The following CCDC192 variants were observed in gnomAD, a reference collection of about 807,000 sequenced individuals.
CCDC192 encodes the protein coiled-coil domain containing 192, also known as coiled-coil domain-containing protein 192.
chr5:127,717,822 A>G (rs894096949), intron 2 of CCDC192, among the ~76,000 whole-genome samples: 1 of 151,240 alleles, frequency 6.6e-6, no homozygotes, highest in African/African-American at 2.4e-5. Flanking sequence ...AAGAAGTCAC[A>G]TAGTCCCAAA....
chr5:127,718,127 G>A (rs1751747310), intron 2 of CCDC192, among the ~76,000 whole-genome samples: 1 of 152,014 alleles, frequency 6.6e-6, no homozygotes, highest in Non-Finnish European at 1.5e-5. Flanking sequence ...TTTAGAAAAT[G>A]ATCCTTCACA....
At chr5:127,756,273 C>T (rs1166826891) in intron 3 of CCDC192, among the ~76,000 whole-genome samples, 1 of 152,266 alleles carries the variant, frequency 6.6e-6, no homozygotes, top group African/African-American at 2.4e-5. Flanking sequence ...GGAATTACAA[C>T]GGAGAAAGAG....
chr5:127,916,593 G>A (rs1753526581), intron 6 of CCDC192, among the ~76,000 whole-genome samples: 1 of 152,230 alleles, frequency 6.6e-6, no homozygotes, highest in Non-Finnish European at 1.5e-5. Flanking sequence ...TACATTAGCA[G>A]ACATGAAAAC....
At chr5:127,889,786 TC>T (rs1394875129) in intron 6 of CCDC192, among the ~76,000 whole-genome samples, 3 of 152,166 alleles carry the variant, frequency 2.0e-5, no homozygotes, top group Non-Finnish European at 4.4e-5. Context: ...GGCATGCCTA[TC>T]CCTTCAGCCA....
intron 6 of CCDC192, among the ~76,000 whole-genome samples, chr5:127,933,413 G>A (rs1754102644): frequency 6.6e-6 from 1 of 152,172 alleles, no homozygotes; most frequent in African/African-American, 2.4e-5. Context: ...AATAAATGAT[G>A]AGCATGGGCA....
In CCDC192 at chr5:127,807,947, A is replaced by T. The variant is rs1036076459; in HGVS notation, c.411+9785A>T. Among the ~76,000 whole-genome samples, 6 of 152,142 alleles carry T rather than the reference A, an allele frequency of 3.9e-5. No homozygotes were observed. In the South Asian group the frequency reaches 6.2e-4, roughly 16 times the overall value. The stretch of plus-strand genomic sequence containing the variant: ...ATGGCAGGCAGGAGGGGGTAGTCTG[A>T]TGTTCATGACGTACTGTGGGAGGAT... On this transcript the variant is annotated intron_variant, in intron 5 of 6. Coordinates refer to ENST00000514853, the MANE Select transcript of CCDC192 (RefSeq NM_001317938.2).
rs560848204 is a variant in CCDC192 at position 127,752,975 on chromosome 5, C to T, written c.115-1293C>T. On this transcript the variant is annotated intron_variant, in intron 2 of 6. Transcript: ENST00000514853. ...CAATGCCTCGCCCTGCTTTGGGTCG[C>T]GTCGGTGTGCGCACCCACTGACCTG... Among the ~76,000 whole-genome samples, 9 of 152,210 alleles carry T rather than the reference C, an allele frequency of 5.9e-5. No homozygotes were observed. The South Asian group carries it at 1.5e-3, about 25-fold the overall frequency.
At chr5:127,898,379 G>T (rs142334483) in intron 6 of CCDC192, among the ~76,000 whole-genome samples, 108 of 152,290 alleles carry the variant, frequency 7.1e-4, no homozygotes, top group African/African-American at 2.6e-3. Flanking sequence ...AAAGTGCTGG[G>T]ATTACAAGCG....
chr5:127,782,714 A>G (rs900464574), intron 3 of CCDC192, among the ~76,000 whole-genome samples: 2 of 152,024 alleles, frequency 1.3e-5, no homozygotes, highest in African/African-American at 4.8e-5. Context: ...TTCTTGGTTA[A>G]TCTTGCTAAC....
chr5:127,799,939 T>C (rs1277273033), intron 5 of CCDC192, among the ~76,000 whole-genome samples: 1 of 152,138 alleles, frequency 6.6e-6, no homozygotes, highest in South Asian at 2.1e-4. Flanking sequence ...TGAAAGTGGA[T>C]TATGTATTTT....
intron 2 of CCDC192, among the ~76,000 whole-genome samples, chr5:127,738,453 A>G (rs1292259987): frequency 2.1e-5 from 3 of 143,442 alleles, no homozygotes; most frequent in African/African-American, 5.3e-5. Context: ...CGTTCTCTGT[A>G]TTTCCTGAAT....
At chr5:127,775,256 G>C (rs903879065) in intron 3 of CCDC192, among the ~76,000 whole-genome samples, 1 of 152,118 alleles carries the variant, frequency 6.6e-6, no homozygotes. Flanking sequence ...CCTCTATTGG[G>C]TTCTCAAGCT....
In CCDC192 at chr5:127,875,962, G is replaced by A. The variant is rs76405520; in HGVS notation, c.535+301G>A. On this transcript the variant is annotated intron_variant, in intron 6 of 6. Transcript: ENST00000514853. ...GGTGGTAGCAGGGGGAGGGCAGGGC[G>A]TAAGAAGGAAGGCAGGTGCCTGCAG... 2.5e-3 allele frequency among the ~76,000 whole-genome samples: 385 copies of A among 152,048 alleles called. 2 individuals carry two copies. Among genetic ancestry groups the A allele is most frequent in the African/African-American group, 8.8e-3 (365 of 41,460 alleles).
intron 6 of CCDC192, among the ~76,000 whole-genome samples, chr5:127,902,720 G>A (rs975556381): frequency 5.3e-5 from 8 of 152,180 alleles, no homozygotes; most frequent in African/African-American, 1.9e-4. Context: ...CTGGGTTCAT[G>A]TGCATCATAG....
chr5:127,884,342 C>CAAAAAAAAAAAAAAAAAAAAA (rs778430655), intron 6 of CCDC192, among the ~76,000 whole-genome samples: 2 of 11,852 alleles, frequency 1.7e-4, no homozygotes, highest in African/African-American at 2.2e-4. Flanking sequence ...GACTCCGTCT[C>CAAAAAAAAAAAAAAAAAAAAA]AAAAAAAAAA....
chr5:127,875,994 A>C (rs1350959762), intron 6 of CCDC192, among the ~76,000 whole-genome samples: 2 of 151,430 alleles, frequency 1.3e-5, no homozygotes, highest in African/African-American at 4.9e-5. Context: ...GCAGGGACTG[A>C]GCTCTGGAGT....
chr5:127,858,945 AAC>A (rs1262061577), intron 5 of CCDC192, among the ~76,000 whole-genome samples: 8 of 152,242 alleles, frequency 5.3e-5, no homozygotes, highest in Non-Finnish European at 8.8e-5. Flanking sequence ...TATAAAAAAA[AAC>A]ACTGTCACAT....
At chr5:127,860,190 A>T (rs1751296304) in intron 5 of CCDC192, among the ~76,000 whole-genome samples, 1 of 152,152 alleles carries the variant, frequency 6.6e-6, no homozygotes, top group African/African-American at 2.4e-5. Context: ...CACAAGACAA[A>T]AGCTCCAAAA....
Position 127,875,538 on chromosome 5 carries a change from A to G in CCDC192, c.412A>G (p.Lys138Glu), listed in dbSNP as rs1752043182. The G allele has an allele frequency of 2.5e-6, 1 of 398,200 alleles. No homozygotes were observed. The highest frequency in any genetic ancestry group is 4.4e-6 in the Non-Finnish European group (1 of 225,832). 24.7% of individuals were successfully genotyped at this position (398,200 alleles called of 1,614,324 possible). ...KASQEQLIAQKLKHEKKVKKL... is the reference protein window; with the variant it reads ...KASQEQLIAQELKHEKKVKKL... Reference sequence around the variant, plus strand: ...AACTCTTATTTTTTTTTTTTTTAAGAAACTAAAGCATGAAAAGAAAGTGAA... The same window carrying G: ...AACTCTTATTTTTTTTTTTTTTAAGGAACTAAAGCATGAAAAGAAAGTGAA... The change falls in exon 6 of 7, where the codon AAA becomes GAA. Residue 138 changes from lysine to glutamate, a missense_variant and splice_region_variant. Coordinates refer to ENST00000514853, the MANE Select transcript of CCDC192 (RefSeq NM_001317938.2).
Sources: gnomAD v4.1 joint callset for allele counts (sites outside exome capture counted in the v4.1 genomes callset) on GRCh38, gnomAD v4.1.1 for gene constraint, MANE v1.5 for transcripts, NCBI Gene and HGNC (gene_info 2026-07-23, HGNC 2026-07-21) for gene names.